The following CNTNAP5 variants were observed in gnomAD, a reference collection of about 807,000 sequenced individuals.
CNTNAP5 encodes the protein contactin associated protein family member 5.
In CNTNAP5, 72 loss-of-function variants were observed where a neutral mutation model predicts 150.2. That is an observed-to-expected ratio of 0.48 (90% CI 0.40 to 0.58). The LOEUF is 0.58. Among genes scored for constraint, CNTNAP5 ranks in the 20% least tolerant of loss-of-function variants. CNTNAP5 has a pLI of 0.00. For synonymous variants in CNTNAP5, 672 were observed against 619.8 expected, an observed-to-expected ratio of 1.08 and a Z score of -1.25; for missense variants, 1,636 against 1,626.2, an observed-to-expected ratio of 1.01 and a Z score of -0.10.
At chr2:124,447,489 CCAAGAG>C (rs1692850573) in intron 6 of CNTNAP5, among the ~76,000 whole-genome samples, 1 of 152,146 alleles carries the variant, frequency 6.6e-6, no homozygotes, top group Non-Finnish European at 1.5e-5. Context: ...AAACTGGCAG[CCAAGAG>C]TTTGCCAGCT....
intron 13 of CNTNAP5, among the ~76,000 whole-genome samples, chr2:124,683,477 A>G (rs1340255005): frequency 6.6e-6 from 1 of 151,932 alleles, no homozygotes; most frequent in Non-Finnish European, 1.5e-5. Context: ...ATTTTATGGC[A>G]CCCATCACCC....
intron 9 of CNTNAP5, among the ~76,000 whole-genome samples, chr2:124,525,880 G>A (rs1224645107): frequency 6.6e-6 from 1 of 152,174 alleles, no homozygotes; most frequent in Non-Finnish European, 1.5e-5. Context: ...AGGCCATAGA[G>A]CTCATGAATT....
chr2:124,223,768 A>T (rs1408544494), intron 2 of CNTNAP5, among the ~76,000 whole-genome samples: 1 of 151,644 alleles, frequency 6.6e-6, no homozygotes, highest in Non-Finnish European at 1.5e-5. Context: ...GGGGAATTTG[A>T]GTGCCTGAAT....
At chr2:124,775,995 A>C (rs1047823107) in intron 17 of CNTNAP5, among the ~76,000 whole-genome samples, 2 of 152,172 alleles carry the variant, frequency 1.3e-5, no homozygotes, top group African/African-American at 4.8e-5. Context: ...ACTAACTAGC[A>C]TGAGTGTACT....
chr2:124,764,103 T>C lies in CNTNAP5; in HGVS notation c.2489T>C (p.Leu830Pro). ...FKTTALSGVF[L>P]ENLGIKDFIR... is the part of the protein sequence containing the mutation. Reference sequence around the variant, plus strand: ...ACCACAGCATTATCCGGAGTTTTCCTAGAAAATCTTGGCATTAAAGACTTC... The same window carrying C: ...ACCACAGCATTATCCGGAGTTTTCCCAGAAAATCTTGGCATTAAAGACTTC... Residue 830 changes from leucine (L) to proline (P), a missense_variant, in exon 16 of 24, where the codon CTA becomes CCA. Coordinates refer to ENST00000682447, the MANE Select transcript of CNTNAP5 (RefSeq NM_001367498.1). 1 of 1,613,152 alleles carries C rather than the reference T, an allele frequency of 6.2e-7. No homozygotes were observed. Among genetic ancestry groups the C allele is most frequent in the Non-Finnish European group, 8.5e-7 (1 of 1,179,266 alleles).
chr2:124,427,074 T>A (rs1293763895), intron 4 of CNTNAP5, among the ~76,000 whole-genome samples: 1 of 151,816 alleles, frequency 6.6e-6, no homozygotes, highest in East Asian at 1.9e-4. Context: ...AAATCGATTT[T>A]GAAAAAAGGG....
intron 6 of CNTNAP5, among the ~76,000 whole-genome samples, chr2:124,451,050 A>T (rs1445467812): frequency 5.5e-5 from 4 of 72,124 alleles, no homozygotes; most frequent in African/African-American, 2.2e-4. Context: ...AAAAAAAAAA[A>T]AATATATATA....
At chr2:124,855,948 G>A (rs1677362126) in intron 19 of CNTNAP5, among the ~76,000 whole-genome samples, 1 of 152,036 alleles carries the variant, frequency 6.6e-6, no homozygotes. Context: ...CCACTTATGA[G>A]TGAGAACTTA....
At chr2:124,534,755 C>G (rs542002559) in intron 10 of CNTNAP5, among the ~76,000 whole-genome samples, 1 of 152,248 alleles carries the variant, frequency 6.6e-6, no homozygotes, top group Non-Finnish European at 1.5e-5. Context: ...TGAGGATGAG[C>G]AGAGATCACT....
At chr2:124,674,513 T>TTCTTTCTTTCTTTC (rs1377342432) in intron 13 of CNTNAP5, among the ~76,000 whole-genome samples, 7 of 103,934 alleles carry the variant, frequency 6.7e-5, no homozygotes, top group South Asian at 7.1e-4. Context: ...TTCTTTCTCT[T>TTCTTTCTTTCTTTC]TCTTTCTTTC....
chr2:124,784,340 T>G (rs897275884), intron 17 of CNTNAP5, among the ~76,000 whole-genome samples: 5 of 152,160 alleles, frequency 3.3e-5, no homozygotes, highest in African/African-American at 1.2e-4. Flanking sequence ...GCGTTTGTGC[T>G]CAAGGAGGGT....
At chr2:124,744,126 A>G (rs1313237729) in intron 13 of CNTNAP5, among the ~76,000 whole-genome samples, 1 of 152,162 alleles carries the variant, frequency 6.6e-6, no homozygotes, top group Non-Finnish European at 1.5e-5. Flanking sequence ...CCTGAATTGT[A>G]GCTCCCATGA....
At chr2:124,683,007 G>A (rs758369695) in intron 13 of CNTNAP5, among the ~76,000 whole-genome samples, 1 of 152,338 alleles carries the variant, frequency 6.6e-6, no homozygotes, top group South Asian at 2.1e-4. Flanking sequence ...TTTTAGGTTT[G>A]TGTTGTTGCA....
intron 1 of CNTNAP5, among the ~76,000 whole-genome samples, chr2:124,068,729 A>G (rs2104661649): frequency 6.6e-6 from 1 of 151,630 alleles, no homozygotes; most frequent in South Asian, 2.1e-4. Context: ...GAGAGAGAAA[A>G]GTAAGGAGTA....
chr2:124,684,906 G>T (rs1679156564), intron 13 of CNTNAP5, among the ~76,000 whole-genome samples: 1 of 152,056 alleles, frequency 6.6e-6, no homozygotes, highest in Non-Finnish European at 1.5e-5. Context: ...GGTGAAAGTG[G>T]ACTTGAGATC....
intron 1 of CNTNAP5, among the ~76,000 whole-genome samples, chr2:124,057,990 ATTT>A (rs1558740603): frequency 6.6e-6 from 1 of 152,062 alleles, no homozygotes; most frequent in Non-Finnish European, 1.5e-5. Flanking sequence ...GATTTAAATT[ATTT>A]TTTTAAAAAT....
chr2:124,096,133 T>C (rs560488396), intron 1 of CNTNAP5, among the ~76,000 whole-genome samples: 1 of 152,324 alleles, frequency 6.6e-6, no homozygotes, highest in African/African-American at 2.4e-5. Flanking sequence ...ATGAAGTAAT[T>C]ACACCCCACT....
intron 11 of CNTNAP5, among the ~76,000 whole-genome samples, chr2:124,576,727 A>G (rs768553051): frequency 6.6e-6 from 1 of 152,192 alleles, no homozygotes; most frequent in African/African-American, 2.4e-5. Flanking sequence ...ACCTGTGGGA[A>G]ATTATTCACC....
chr2:124,367,792 C>CT (rs1690416012), intron 3 of CNTNAP5, among the ~76,000 whole-genome samples: 1 of 152,160 alleles, frequency 6.6e-6, no homozygotes, highest in South Asian at 2.1e-4. Context: ...AAAATGCTAA[C>CT]TCTTTTATTA....
Sources: gnomAD v4.1 joint callset for allele counts (sites outside exome capture counted in the v4.1 genomes callset) on GRCh38, gnomAD v4.1.1 for gene constraint, MANE v1.5 for transcripts, NCBI Gene and HGNC (gene_info 2026-07-23, HGNC 2026-07-21) for gene names.